Variants in SPATS2L observed in about 807,000 individuals in gnomAD.
SPATS2L encodes the protein SPATS2-like protein.
Under a neutral mutation model 59.6 loss-of-function variants are expected in SPATS2L, and 30 were observed. The observed-to-expected ratio is 0.50, with a 90% CI of 0.38 to 0.68. SPATS2L has a LOEUF of 0.68. SPATS2L is among the 30% of genes least tolerant of loss of function. The pLI is 0.00. For missense variants in SPATS2L, 615 were observed against 700.0 expected (o/e 0.88, Z 1.37); for synonymous variants, 252 against 263.5 (o/e 0.96, Z 0.42).
intron 8 of SPATS2L, among the ~76,000 whole-genome samples, chr2:200,457,039 A>G (rs1002362740): frequency 1.3e-5 from 2 of 152,092 alleles, no homozygotes; most frequent in Non-Finnish European, 2.9e-5. Flanking sequence ...TGTAAGGGAT[A>G]AAAATTCAAA....
chr2:200,430,425 G>A (rs1458554954), intron 6 of SPATS2L, among the ~76,000 whole-genome samples: 2 of 151,202 alleles, frequency 1.3e-5, no homozygotes, highest in Non-Finnish European at 2.9e-5. Flanking sequence ...TGAAAATTCA[G>A]TAAGGTTTGA....
chr2:200,330,785 T>A (rs2079914659), intron 2 of SPATS2L, among the ~76,000 whole-genome samples: 1 of 152,312 alleles, frequency 6.6e-6, no homozygotes, highest in Middle Eastern at 3.4e-3. Context: ...GTCAGGAGAA[T>A]GAGATGCCTC....
At chr2:200,456,877 A>G (rs1196983638) in intron 8 of SPATS2L, among the ~76,000 whole-genome samples, 1 of 152,098 alleles carries the variant, frequency 6.6e-6, no homozygotes, top group African/African-American at 2.4e-5. Context: ...AGGGAATCCT[A>G]ATTGCTTCTT....
At chr2:200,467,430 T>C in intron 10 of SPATS2L, 31 bp downstream of exon 10, 1 of 1,484,150 alleles carries the variant, frequency 6.7e-7, no homozygotes, top group Non-Finnish European at 9.4e-7. Flanking sequence ...GCCTGAACCC[T>C]GAGCCAGAGA....
intron 6 of SPATS2L, among the ~76,000 whole-genome samples, chr2:200,437,417 G>A (rs995095466): frequency 3.3e-5 from 5 of 152,158 alleles, no homozygotes; most frequent in Non-Finnish European, 7.3e-5. Flanking sequence ...AATCACCTGG[G>A]GAGGAGAAGC....
At chr2:200,455,305 G>A (rs575570865) in intron 8 of SPATS2L, among the ~76,000 whole-genome samples, 2 of 152,322 alleles carry the variant, frequency 1.3e-5, no homozygotes, top group African/African-American at 4.8e-5. Flanking sequence ...AGGAAGTGAC[G>A]ATTAAGCAAA....
chr2:200,309,134 T>C (rs2079117998), intron 1 of SPATS2L: 1 of 717,630 alleles, frequency 1.4e-6, no homozygotes, highest in African/African-American at 1.7e-5. Flanking sequence ...TTTAGAAATA[T>C]CTCACTTTGG....
chr2:200,309,172 T>G, intron 1 of SPATS2L: 1 of 716,920 alleles, frequency 1.4e-6, no homozygotes, highest in South Asian at 1.5e-5. Context: ...TTTCTCAGTC[T>G]GCGATCAGAG....
At chr2:200,394,519 G>A (rs1189561147) in intron 3 of SPATS2L, among the ~76,000 whole-genome samples, 1 of 152,074 alleles carries the variant, frequency 6.6e-6, no homozygotes, top group African/African-American at 2.4e-5. Context: ...GCAGAGAATG[G>A]GTCTTACTAT....
At chr2:200,408,674 A>G (rs2082771282) in intron 3 of SPATS2L, among the ~76,000 whole-genome samples, 6 of 152,222 alleles carry the variant, frequency 3.9e-5, no homozygotes, top group Admixed American at 3.3e-4. Flanking sequence ...GGTGCAGAGA[A>G]GGCAAGTTAG....
intron 2 of SPATS2L, among the ~76,000 whole-genome samples, chr2:200,345,377 A>T (rs2080477792): frequency 6.6e-6 from 1 of 152,182 alleles, no homozygotes; most frequent in Non-Finnish European, 1.5e-5. Context: ...CTGACTCTGG[A>T]TAACTGAGAG....
At chr2:200,470,239 G>C (rs2086922594) in intron 11 of SPATS2L, among the ~76,000 whole-genome samples, 1 of 152,200 alleles carries the variant, frequency 6.6e-6, no homozygotes, top group Non-Finnish European at 1.5e-5. Flanking sequence ...GATTTATTAA[G>C]TGGAACAGAA....
intron 12 of SPATS2L, among the ~76,000 whole-genome samples, chr2:200,473,660 A>G (rs1477387141): frequency 2.0e-5 from 3 of 151,998 alleles, no homozygotes; most frequent in Non-Finnish European, 4.4e-5. Flanking sequence ...CTTCTCCACT[A>G]TATCTTTTGG....
intron 2 of SPATS2L, among the ~76,000 whole-genome samples, chr2:200,372,410 TAGTA>T (rs1048586694): frequency 3.3e-5 from 5 of 151,880 alleles, no homozygotes; most frequent in Admixed American, 3.3e-4. Context: ...CATAAGGAGA[TAGTA>T]AGTTAAGGAA....
chr2:200,454,574 CTAT>C (rs199800441), intron 8 of SPATS2L, among the ~76,000 whole-genome samples: 5,136 of 152,262 alleles, frequency 0.034, 130 homozygotes, highest in Admixed American at 0.067. Flanking sequence ...CTGTGATTAA[CTAT>C]ATAATAAACT....
chr2:200,481,342 G>GT lies in SPATS2L; in HGVS notation c.*3312dup, dbSNP rs1224213460. On this transcript the variant is annotated 3_prime_UTR_variant, in exon 13 of 13. Coordinates refer to ENST00000409140, the MANE Select transcript of SPATS2L (RefSeq NM_001100423.2). ...AGATTAAAAGCAGTTTTTTGACAAA[G>GT]TAACAGATTTGGAAATTCTGACTCT... The GT allele has an allele frequency of 6.6e-6, 1 of 152,220 alleles. No homozygotes were observed. Among genetic ancestry groups the GT allele is most frequent in the Non-Finnish European group, 1.5e-5 (1 of 68,034 alleles). 9.4% of individuals were successfully genotyped at this position (152,220 alleles called of 1,614,324 possible).
chr2:200,479,970 C>G lies in SPATS2L; in HGVS notation c.*1939C>G, dbSNP rs1395403211. ...TCAAATAAGAAAGATAAATGTTCGG[C>G]ACTGTAGGCCCTGTTTACCCCATCT... is the stretch of plus-strand genomic sequence containing the variant. On this transcript the variant is annotated 3_prime_UTR_variant, in exon 13 of 13. Transcript: ENST00000409140. 1 of 381,006 alleles carries G rather than the reference C, an allele frequency of 2.6e-6. No individual in the cohort carries two copies. The highest frequency in any genetic ancestry group is 4.5e-5 in the Admixed American group (1 of 22,166). The allele number at this position is 381,006 out of a possible 1,614,324, so 23.6% of individuals were successfully genotyped here.
At chr2:200,347,054 A>G (rs766203003) in intron 2 of SPATS2L, among the ~76,000 whole-genome samples, 1 of 152,190 alleles carries the variant, frequency 6.6e-6, no homozygotes, top group Non-Finnish European at 1.5e-5. Context: ...CCAAAGACTC[A>G]TGTGTTTTAA....
chr2:200,354,826 T>C (rs1195279356), intron 2 of SPATS2L, among the ~76,000 whole-genome samples: 2 of 152,188 alleles, frequency 1.3e-5, no homozygotes, highest in African/African-American at 4.8e-5. Context: ...TCAGAAAATA[T>C]TTTTCGATTT....
Sources: allele counts gnomAD v4.1 joint callset (sites outside exome capture counted in the v4.1 genomes callset), GRCh38; gene constraint gnomAD v4.1.1; transcripts MANE v1.5; gene names NCBI Gene and HGNC (gene_info 2026-07-23, HGNC 2026-07-21).